Variants in KIF16B observed in about 807,000 individuals in gnomAD.
KIF16B encodes the protein kinesin family member 16B.
A neutral mutation model predicts 156.3 loss-of-function variants in KIF16B; 98 were observed. The ratio of observed to expected loss-of-function variants is 0.63; its 90% confidence interval spans 0.53 to 0.74. The LOEUF is 0.74. Among genes scored for constraint, KIF16B ranks in the 30% least tolerant of loss-of-function variants. KIF16B has a pLI of 0.00. For missense variants in KIF16B, 1,421 were observed against 1,606.5 expected, an observed-to-expected ratio of 0.88 and a Z score of 1.97; for synonymous variants, 564 against 583.7, an observed-to-expected ratio of 0.97 and a Z score of 0.49.
At position 16,573,313 on chromosome 20, in the gene KIF16B, C is replaced by T; in HGVS notation, c.-38G>A. The T allele has an allele frequency of 6.2e-7, 1 of 1,606,280 alleles. No individual in the cohort carries two copies. Among genetic ancestry groups the T allele is most frequent in the Non-Finnish European group, 8.5e-7 (1 of 1,176,902 alleles). ...ACCAGCCCGCGCGGGGTCCCACTAG[C>T]CCAGAACTCCGCGGTCGCCGGCGAC... On this transcript the variant is annotated 5_prime_UTR_variant, in exon 1 of 26. Transcript: ENST00000354981.
At chr20:16,479,851 A>G (rs1568584255) in intron 12 of KIF16B, among the ~76,000 whole-genome samples, 2 of 152,178 alleles carry the variant, frequency 1.3e-5, no homozygotes, top group Non-Finnish European at 2.9e-5. Context: ...AAAGTTGCCT[A>G]ATGACACGTT....
At chr20:16,402,069 T>C (rs1390994840) in intron 17 of KIF16B, among the ~76,000 whole-genome samples, 1 of 152,102 alleles carries the variant, frequency 6.6e-6, no homozygotes, top group Non-Finnish European at 1.5e-5. Context: ...CTCTTCTTCT[T>C]GCTTACTATA....
At chr20:16,547,562 T>A (rs1167895713) in intron 1 of KIF16B, among the ~76,000 whole-genome samples, 1 of 152,174 alleles carries the variant, frequency 6.6e-6, no homozygotes, top group Non-Finnish European at 1.5e-5. Context: ...CCTTCTCCAG[T>A]GCCTCCACGA....
chr20:16,333,980 T>C (rs2063993413), intron 24 of KIF16B, among the ~76,000 whole-genome samples: 1 of 152,244 alleles, frequency 6.6e-6, no homozygotes, highest in South Asian at 2.1e-4. Flanking sequence ...TGCTAGCTAT[T>C]ATTTTCTCCT....
intron 25 of KIF16B, among the ~76,000 whole-genome samples, chr20:16,274,822 C>A (rs893560670): frequency 6.6e-6 from 1 of 152,146 alleles, no homozygotes. Context: ...CAAATGTCGA[C>A]GATGCCACAG....
In KIF16B at chr20:16,380,172, C is replaced by A; in HGVS notation, c.1839-9G>T. The A allele has an allele frequency of 1.3e-6, 2 of 1,506,876 alleles. No individual in the cohort carries two copies. Among genetic ancestry groups the A allele is most frequent in the East Asian group, 2.3e-5 (1 of 43,426 alleles). 93.3% of individuals were successfully genotyped at this position (1,506,876 alleles called of 1,614,324 possible). A position where few individuals can be genotyped will look rare whatever the true frequency, so the allele number is the denominator to read the frequency against. ...TTTCTTCTATGAGTTTCCTGAAATGCAAAGCACTGACTGGTTGTTATCTGG... is the reference window on the plus strand; with the variant it reads ...TTTCTTCTATGAGTTTCCTGAAATGAAAAGCACTGACTGGTTGTTATCTGG... On this transcript the variant is annotated splice_polypyrimidine_tract_variant and intron_variant, in intron 18 of 25. Coordinates refer to ENST00000354981, the MANE Select transcript of KIF16B (RefSeq NM_024704.5).
chr20:16,508,168 C>A (rs1325398409), intron 6 of KIF16B, 68 bp from the exon 7 acceptor site: 3 of 1,550,534 alleles, frequency 1.9e-6, no homozygotes, highest in Non-Finnish European at 1.8e-6. Flanking sequence ...CAAAATTACC[C>A]TCTATGAAAT....
At chr20:16,475,732 C>A (rs958320328) in intron 12 of KIF16B, among the ~76,000 whole-genome samples, 1 of 152,164 alleles carries the variant, frequency 6.6e-6, no homozygotes, top group African/African-American at 2.4e-5. Context: ...CAAGAAAAGT[C>A]TTTTAAGTGG....
chr20:16,531,581 T>C (rs576714925), intron 1 of KIF16B, among the ~76,000 whole-genome samples: 2 of 152,098 alleles, frequency 1.3e-5, no homozygotes, highest in Non-Finnish European at 2.9e-5. Flanking sequence ...AGCTGCCCTA[T>C]AGGGAACCAG....
intron 12 of KIF16B, among the ~76,000 whole-genome samples, chr20:16,491,953 G>A (rs1048224816): frequency 2.0e-5 from 3 of 152,138 alleles, no homozygotes; most frequent in African/African-American, 7.2e-5. Flanking sequence ...GAAATTTAAG[G>A]AACTTTCAAG....
chr20:16,449,094 A>T (rs1401126386), intron 12 of KIF16B, among the ~76,000 whole-genome samples: 1 of 152,178 alleles, frequency 6.6e-6, no homozygotes, highest in African/African-American at 2.4e-5. Flanking sequence ...ACACAGAGAA[A>T]GAAAAAATGG....
chr20:16,496,796 A>G (rs113514110), intron 11 of KIF16B, among the ~76,000 whole-genome samples: 38 of 152,220 alleles, frequency 2.5e-4, no homozygotes, highest in African/African-American at 7.7e-4. Flanking sequence ...TTAATGTTTT[A>G]CTGAGGCTAT....
chr20:16,486,470 T>A (rs6044010), intron 12 of KIF16B, among the ~76,000 whole-genome samples: 14,604 of 152,182 alleles, frequency 0.096, 1,755 homozygotes, highest in African/African-American at 0.29. Flanking sequence ...GCCCAAAAGT[T>A]TTCAAAAGTT....
intron 25 of KIF16B, among the ~76,000 whole-genome samples, chr20:16,308,093 C>G (rs912346021): frequency 3.5e-4 from 53 of 152,082 alleles, no homozygotes; most frequent in African/African-American, 1.1e-3. Flanking sequence ...TGCACAAGAA[C>G]AATGTGACAT....
chr20:16,301,552 T>G (rs1158360367), intron 25 of KIF16B, among the ~76,000 whole-genome samples: 1 of 152,238 alleles, frequency 6.6e-6, no homozygotes, highest in African/African-American at 2.4e-5. Flanking sequence ...TATCTTGTTT[T>G]CATTTCCAAT....
chr20:16,435,489 A>T (rs1201898511), intron 12 of KIF16B, among the ~76,000 whole-genome samples: 1 of 152,208 alleles, frequency 6.6e-6, no homozygotes, highest in Non-Finnish European at 1.5e-5. Context: ...ATTAGGATAG[A>T]TCTCAGTGTT....
chr20:16,446,001 T>C (rs1194060177), intron 12 of KIF16B, among the ~76,000 whole-genome samples: 2 of 152,192 alleles, frequency 1.3e-5, no homozygotes, highest in Admixed American at 1.3e-4. Context: ...ATAGACAGTG[T>C]AGACAACCTC....
rs200360811 is a variant in KIF16B, at chr20:16,379,424, T to C, written c.2578A>G (p.Ile860Val). 724 of 1,612,954 alleles carry C rather than the reference T, an allele frequency of 4.5e-4. 1 individual carries two copies. The highest frequency in any genetic ancestry group is 5.6e-4 in the Non-Finnish European group (662 of 1,179,800). ...TGTTCACATTTTAAACACTCTAGGA[T>C]CTCCTGTTCTTCTTGGACTTCTTTT... is the stretch of plus-strand genomic sequence containing the variant. Reference protein sequence around the residue: ...LKKEVQEEQEILECLKCEHDK... With the variant: ...LKKEVQEEQEVLECLKCEHDK... Residue 860 changes from isoleucine to valine, a missense_variant, in exon 19 of 26, where the codon ATC becomes GTC. Transcript: ENST00000354981.
chr20:16,442,706 A>C (rs2066836148), intron 12 of KIF16B, among the ~76,000 whole-genome samples: 2 of 152,114 alleles, frequency 1.3e-5, no homozygotes, highest in African/African-American at 4.8e-5. Flanking sequence ...GCAGCGGCAA[A>C]ATGAGGTCTT....
Sources: gnomAD v4.1 joint callset for allele counts (sites outside exome capture counted in the v4.1 genomes callset) on GRCh38, gnomAD v4.1.1 for gene constraint, MANE v1.5 for transcripts, NCBI Gene and HGNC (gene_info 2026-07-23, HGNC 2026-07-21) for gene names.